The following SMIM40 variants were observed in gnomAD, a reference collection of about 807,000 sequenced individuals.
SMIM40 encodes small integral membrane protein 40.
intron 1 of SMIM40, among the ~76,000 whole-genome samples, chr6:33,328,629 C>T (rs1226903305): frequency 2.0e-5 from 3 of 151,646 alleles, no homozygotes; most frequent in African/African-American, 7.3e-5. Context: ...TGGCTCACAC[C>T]TGTAATCCCA....
intron 1 of SMIM40, among the ~76,000 whole-genome samples, chr6:33,327,861 CAAAA>C (rs375476107): frequency 8.5e-5 from 6 of 70,336 alleles, no homozygotes; most frequent in African/African-American, 2.2e-4. Flanking sequence ...GACTCTGTCA[CAAAA>C]AAAAAAAAAA....
intron 1 of SMIM40, among the ~76,000 whole-genome samples, chr6:33,327,223 C>T (rs558384295): frequency 1.3e-5 from 2 of 148,662 alleles, no homozygotes; most frequent in South Asian, 4.2e-4. Context: ...GAGTTCGAGA[C>T]CAGCCTGGCC....
At chr6:33,324,554 T>C (rs1452048425) in intron 1 of SMIM40, among the ~76,000 whole-genome samples, 1 of 149,638 alleles carries the variant, frequency 6.7e-6, no homozygotes, top group Non-Finnish European at 1.5e-5. Context: ...TCTTTTTTTT[T>C]TTTTTTTTTT....
At chr6:33,328,186 A>T (rs1041727407) in intron 1 of SMIM40, among the ~76,000 whole-genome samples, 7 of 150,910 alleles carry the variant, frequency 4.6e-5, no homozygotes, top group East Asian at 1.9e-4. Flanking sequence ...TTTTATTTTT[A>T]TTTATTTATT....
At chr6:33,327,928 A>G (rs1771308873) in intron 1 of SMIM40, among the ~76,000 whole-genome samples, 2 of 149,188 alleles carry the variant, frequency 1.3e-5, no homozygotes, top group South Asian at 2.1e-4. Context: ...CATCTCTACT[A>G]AAAATATAAA....
At chr6:33,326,412 G>A (rs1771176019) in intron 1 of SMIM40, among the ~76,000 whole-genome samples, 2 of 146,778 alleles carry the variant, frequency 1.4e-5, no homozygotes, top group South Asian at 2.1e-4. Flanking sequence ...TCCTGACCTC[G>A]TGATCCACCC....
chr6:33,324,545 C>CTTTTTTTTTTTTTTTTTTTCTTTTT (rs1771014602), intron 1 of SMIM40, among the ~76,000 whole-genome samples: 5 of 103,216 alleles, frequency 4.8e-5, no homozygotes, highest in African/African-American at 1.1e-4. Context: ...ACCACCTTTT[C>CTTTTTTTTTTTTTTTTTTTCTTTTT]TTTTTTTTTT....
chr6:33,327,641 C>T (rs929178372), intron 1 of SMIM40, among the ~76,000 whole-genome samples: 6 of 151,948 alleles, frequency 3.9e-5, no homozygotes, highest in African/African-American at 1.5e-4. Context: ...GGGCGGATCA[C>T]TTGAGGTCAG....
chr6:33,324,391 G>GA (rs35963214), intron 1 of SMIM40, among the ~76,000 whole-genome samples: 112 of 137,076 alleles, frequency 8.2e-4, no homozygotes, highest in Admixed American at 3.0e-3. Context: ...ACCCTCTTAA[G>GA]AAAAAAAAAA....
chr6:33,329,270 ACT>A lies in SMIM40; in HGVS notation c.-7_-6del. ...CACATCACCTTCCTCTGCCATCCTGACTCACAGTCAGACAGCTGGCTGGATCA... is the reference window on the plus strand; with the variant it reads ...CACATCACCTTCCTCTGCCATCCTGACACAGTCAGACAGCTGGCTGGATCA... On this transcript the variant is annotated 5_prime_UTR_variant, in exon 1 of 3. Coordinates refer to ENST00000494082, the MANE Select transcript of SMIM40 (RefSeq NM_001369203.1). The A allele has an allele frequency of 2.5e-6, 1 of 398,618 alleles. No homozygotes were observed. The highest frequency in any genetic ancestry group is 4.4e-6 in the Non-Finnish European group (1 of 226,152). 24.7% of individuals were successfully genotyped at this position (398,618 alleles called of 1,614,324 possible). A position where few individuals can be genotyped will look rare whatever the true frequency, so the allele number is the denominator to read the frequency against.
At chr6:33,324,448 C>G (rs1461908505) in intron 1 of SMIM40, among the ~76,000 whole-genome samples, 2 of 149,470 alleles carry the variant, frequency 1.3e-5, no homozygotes, top group Non-Finnish European at 3.0e-5. Context: ...AAGTATAGTT[C>G]TCAACCATGA....
intron 1 of SMIM40, among the ~76,000 whole-genome samples, chr6:33,325,013 C>T (rs1771078674): frequency 1.3e-5 from 2 of 151,864 alleles, no homozygotes; most frequent in African/African-American, 4.8e-5. Context: ...CATCCTCCCA[C>T]CTCAAGTAGC....
chr6:33,327,465 C>T (rs1452314112), intron 1 of SMIM40, among the ~76,000 whole-genome samples: 1 of 149,470 alleles, frequency 6.7e-6, no homozygotes, highest in Non-Finnish European at 1.5e-5. Context: ...CTGTGGCTCA[C>T]CGCCTATAAT....
intron 1 of SMIM40, among the ~76,000 whole-genome samples, chr6:33,324,545 C>CTTTTTTTTTTTTTTTTTTTTTGTTTTT (rs9280406): frequency 9.7e-6 from 1 of 103,216 alleles, no homozygotes; most frequent in African/African-American, 3.6e-5. Flanking sequence ...ACCACCTTTT[C>CTTTTTTTTTTTTTTTTTTTTTGTTTTT]TTTTTTTTTT....
intron 1 of SMIM40, among the ~76,000 whole-genome samples, chr6:33,328,328 A>G (rs980046529): frequency 6.6e-6 from 1 of 150,902 alleles, no homozygotes; most frequent in Non-Finnish European, 1.5e-5. Flanking sequence ...GAGGCAGAGA[A>G]TCAGGTGCCC....
Position 33,324,545 on chromosome 6 carries a change from CTTTTTT to C in SMIM40, c.*40-521_*40-516del, listed in dbSNP as rs9280406. 5.8e-5 allele frequency among the ~76,000 whole-genome samples: 6 copies of C among 103,216 alleles called. No homozygotes were observed. In the South Asian group the frequency reaches 1.0e-3, roughly 17 times the overall value. 67.7% of individuals were successfully genotyped at this position (103,216 alleles called of 152,430 possible). On this transcript the variant is annotated intron_variant, in intron 1 of 2. Transcript: ENST00000494082. ...CAAGGCACCATGAATACCACCTTTT[CTTTTTT>C]TTTTTTTTTTTTTTCCTTTCTTTTG...
At chr6:33,328,791 C>T (rs1771370923) in intron 1 of SMIM40, among the ~76,000 whole-genome samples, 196 bp downstream of exon 1, 1 of 150,418 alleles carries the variant, frequency 6.6e-6, no homozygotes. Context: ...GAGGCTGAGG[C>T]AGGAGAATCC....
At chr6:33,324,545 CT>C (rs9280406) in intron 1 of SMIM40, among the ~76,000 whole-genome samples, 32,607 of 103,268 alleles carry the variant, frequency 0.32, 3,844 homozygotes, top group Non-Finnish European at 0.34. Context: ...ACCACCTTTT[CT>C]TTTTTTTTTT....
intron 1 of SMIM40, 50 bp downstream of exon 1, chr6:33,328,937 C>T (rs866314023): frequency 2.3e-4 from 81 of 351,670 alleles, no homozygotes; most frequent in African/African-American, 1.4e-3. Flanking sequence ...ATCCAAGCAT[C>T]TCCTCCATAG....
Sources: allele counts gnomAD v4.1 joint callset (sites outside exome capture counted in the v4.1 genomes callset), GRCh38; gene constraint gnomAD v4.1.1; transcripts MANE v1.5; gene names NCBI Gene and HGNC (gene_info 2026-07-23, HGNC 2026-07-21).